FLNC: variants seen among roughly 807,000 people sequenced by gnomAD.
FLNC encodes filamin C, also known as filamin-C.
In FLNC, 91 loss-of-function variants were observed where a neutral mutation model predicts 254.3. That is an observed-to-expected ratio of 0.36 (90% CI 0.30 to 0.43). The LOEUF (loss-of-function observed/expected upper bound fraction) is 0.43, where lower values mean the gene tolerates loss of function less well. Ranked by LOEUF, FLNC falls within the 20% of genes least tolerant of loss-of-function variation. The pLI is 1.00. For missense variants in FLNC, 2,853 were observed against 3,802.6 expected (o/e 0.75, Z 6.57); for synonymous variants, 1,430 against 1,577.2 (o/e 0.91, Z 2.21).
In FLNC at chr7:128,840,059, G is replaced by A. The variant is rs1562993476; in HGVS notation, c.1448G>A (p.Gly483Asp). The A allele has an allele frequency of 6.2e-7, 1 of 1,614,070 alleles. No individual in the cohort carries two copies. Among genetic ancestry groups the A allele is most frequent in the Non-Finnish European group, 8.5e-7 (1 of 1,180,034 alleles). Residue 483 changes from glycine to aspartate, a missense_variant, in exon 9 of 48, where the codon GGC becomes GAC. This residue lies in a region of FLNC where 1,573 missense variants were observed against 1,883.5 expected (regional missense o/e 0.84). Coordinates refer to ENST00000325888, the MANE Select transcript of FLNC (RefSeq NM_001458.5). ...AACGCCTGCCGCGCCTCTGGGCGAG[G>A]CCTGCAGCCCAAGGGTGTTCGCGTG... The part of the protein sequence containing the change: ...NPNACRASGR[G>D]LQPKGVRVKE...
intron 8 of FLNC, 37 bp downstream of exon 8, chr7:128,838,840 C>T (rs1808214151): frequency 6.3e-7 from 1 of 1,590,876 alleles, no homozygotes; most frequent in Non-Finnish European, 8.6e-7. Context: ...GTAGCCCTTA[C>T]CAAAGCCAGA....
intron 43 of FLNC, 91 bp downstream of exon 43, chr7:128,855,405 C>T (rs1809014813): frequency 1.1e-6 from 1 of 873,370 alleles, no homozygotes; most frequent in South Asian, 1.4e-5. Flanking sequence ...AGGGATTTAG[C>T]AGTGACCTTG....
chr7:128,841,157 C>T lies in FLNC; in HGVS notation c.1814-13C>T, dbSNP rs766268709. ...TGATGCTGGATCCCCGACCCTCCCC[C>T]ACCTTGCCCCAGGCTTCTCCATCGA... On this transcript the variant is annotated splice_polypyrimidine_tract_variant and intron_variant, in intron 11 of 47. Coordinates refer to ENST00000325888, the MANE Select transcript of FLNC (RefSeq NM_001458.5). The surrounding 1 kb of genome is among the most constrained non-coding windows in gnomAD (Gnocchi z 4.3). 6 of 1,613,204 alleles carry T rather than the reference C, an allele frequency of 3.7e-6. No individual in the cohort carries two copies. The highest frequency in any genetic ancestry group is 5.1e-6 in the Non-Finnish European group (6 of 1,179,804).
intron 18 of FLNC, 86 bp from the exon 19 acceptor site, chr7:128,843,710 T>C: frequency 1.3e-6 from 2 of 1,498,840 alleles, no homozygotes; most frequent in Non-Finnish European, 1.9e-6. Flanking sequence ...TCATGGTGGA[T>C]CTGAGCTTCA....
chr7:128,845,517 C>G (rs1808524192), intron 21 of FLNC, among the ~76,000 whole-genome samples: 1 of 152,146 alleles, frequency 6.6e-6, no homozygotes, highest in Non-Finnish European at 1.5e-5. Flanking sequence ...TCTCTTCTTT[C>G]ATGTGCTTAA....
At position 128,854,579 on chromosome 7, in the gene FLNC, C is replaced by G. The variant is rs765567723; in HGVS notation, c.6894C>G (p.Pro2298=). The G allele has an allele frequency of 6.2e-7, 1 of 1,609,484 alleles. No homozygotes were observed. Among genetic ancestry groups the G allele is most frequent in the South Asian group, 1.1e-5 (1 of 90,390 alleles). Reference sequence around the variant, plus strand: ...TCAAGTACCGTGGCCAGCACGTGCCCGGCAGCCCCTTTCAGTTCACTGTGG... The same window carrying G: ...TCAAGTACCGTGGCCAGCACGTGCCGGGCAGCCCCTTTCAGTTCACTGTGG... ...VAVKYRGQHV[P]GSPFQFTVGP... Residue 2298 remains proline, a synonymous_variant, in exon 41 of 48, where the codon CCC becomes CCG. Transcript: ENST00000325888.
At position 128,854,868 on chromosome 7, in the gene FLNC, G is replaced by A. The variant is rs201672146; in HGVS notation, c.7091G>A (p.Arg2364His). 4,418 of 1,614,062 alleles carry A rather than the reference G, an allele frequency of 2.7e-3. 9 individuals are homozygous for A. The highest frequency in any genetic ancestry group is 3.4e-3 in the Non-Finnish European group (4,045 of 1,180,008). The change falls in exon 42 of 48, where the codon CGC becomes CAC. Residue 2364 changes from arginine to histidine, a missense_variant. Transcript: ENST00000325888. ...PSKAEIAFEDRKDGSCGVSYV... is the reference protein window; with the variant it reads ...PSKAEIAFEDHKDGSCGVSYV... Reference sequence around the variant, plus strand: ...AAAGCGGAGATTGCATTTGAGGATCGCAAAGATGGCTCCTGCGGCGTCTCC... The same window carrying A: ...AAAGCGGAGATTGCATTTGAGGATCACAAAGATGGCTCCTGCGGCGTCTCC...
chr7:128,851,058 C>G, intron 33 of FLNC, 115 bp downstream of exon 33: 1 of 1,519,068 alleles, frequency 6.6e-7, no homozygotes, highest in Non-Finnish European at 9.1e-7. Context: ...GTGCAGACAC[C>G]AGGCGAGGCC....
rs755651052 is a variant in FLNC at position 128,838,785 on chromosome 7, C to T, written c.1393C>T (p.Pro465Ser). The change falls in exon 8 of 48, where the codon CCT becomes TCT. Residue 465 changes from proline to serine, a missense_variant. Transcript: ENST00000325888. ...AGAPITRSPF[P>S]VHVSEACNPN... ...TGCCCCCATCACCCGCAGTCCCTTCCCTGTCCATGTGTCGGAAGGTAAGGG... is the reference window on the plus strand; with the variant it reads ...TGCCCCCATCACCCGCAGTCCCTTCTCTGTCCATGTGTCGGAAGGTAAGGG... 2 of 1,612,964 alleles carry T rather than the reference C, an allele frequency of 1.2e-6. No individual in the cohort carries two copies. Among genetic ancestry groups the T allele is most frequent in the Non-Finnish European group, 1.7e-6 (2 of 1,179,968 alleles).
chr7:128,842,961 A>G lies in FLNC; in HGVS notation c.2550+7A>G. Reference sequence around the variant, plus strand: ...GGTGCTGTTTGCCAACCAGGTACCTAAGCTCCTGGGTACTCACAGCGACAT... The same window carrying G: ...GGTGCTGTTTGCCAACCAGGTACCTGAGCTCCTGGGTACTCACAGCGACAT... On this transcript the variant is annotated splice_region_variant and intron_variant, in intron 16 of 47. Transcript: ENST00000325888. This position sits in a 1 kb window ranked among gnomAD's most constrained non-coding sequence, Gnocchi z 5.4. The G allele has an allele frequency of 6.2e-7, 1 of 1,613,702 alleles. No homozygotes were observed. Among genetic ancestry groups the G allele is most frequent in the Non-Finnish European group, 8.5e-7 (1 of 1,179,960 alleles).
chr7:128,851,020 C>T (rs1242670506), intron 33 of FLNC, 77 bp downstream of exon 33: 1 of 1,581,058 alleles, frequency 6.3e-7, no homozygotes, highest in Non-Finnish European at 8.7e-7. Context: ...TTCCCTCTTT[C>T]AACAAATATT....
At chr7:128,833,556 G>C (rs1245878459) in intron 1 of FLNC, among the ~76,000 whole-genome samples, 1 of 152,176 alleles carries the variant, frequency 6.6e-6, no homozygotes, top group African/African-American at 2.4e-5. Flanking sequence ...CCCAGGGCCA[G>C]TTGCTGGGGA....
At chr7:128,831,456 A>G (rs928178828) in intron 1 of FLNC, among the ~76,000 whole-genome samples, 2 of 152,064 alleles carry the variant, frequency 1.3e-5, no homozygotes, top group Non-Finnish European at 2.9e-5. Flanking sequence ...CAGGTCCCCA[A>G]CCACTGCCCG....
At chr7:128,843,702 A>T in intron 18 of FLNC, 94 bp from the exon 19 acceptor site, 1 of 1,485,024 alleles carries the variant, frequency 6.7e-7, no homozygotes, top group Non-Finnish European at 9.4e-7. Flanking sequence ...CCTCACTCTC[A>T]TGGTGGATCT....
chr7:128,855,387 A>T (rs998968681), intron 43 of FLNC, 73 bp downstream of exon 43: 2 of 978,280 alleles, frequency 2.0e-6, no homozygotes, highest in East Asian at 2.4e-5. Context: ...CAGCAGGTCC[A>T]TGGGGCCAGG....
chr7:128,852,235 C>T (rs1220699142), intron 35 of FLNC, among the ~76,000 whole-genome samples: 1 of 152,148 alleles, frequency 6.6e-6, no homozygotes, highest in African/African-American at 2.4e-5. Context: ...CCCAGAGAGG[C>T]CAAGCAACAT....
At position 128,839,916 on chromosome 7, in the gene FLNC, C is replaced by T; in HGVS notation, c.1412-107C>T. 9 of 1,423,368 alleles carry T rather than the reference C, an allele frequency of 6.3e-6. No homozygotes were observed. The South Asian group carries it at 7.1e-5, about 11-fold the overall frequency. 88.2% of individuals were successfully genotyped at this position (1,423,368 alleles called of 1,614,324 possible). On this transcript the variant is annotated intron_variant, in intron 8 of 47. Coordinates refer to ENST00000325888, the MANE Select transcript of FLNC (RefSeq NM_001458.5). ...AAGGGCTCCAGAGCAGGGCCGTGGGCCACTGCCTGTGCCTGGGAGGGGTTA... is the reference window on the plus strand; with the variant it reads ...AAGGGCTCCAGAGCAGGGCCGTGGGTCACTGCCTGTGCCTGGGAGGGGTTA...
chr7:128,846,065 C>T lies in FLNC; in HGVS notation c.3866C>T (p.Thr1289Met), dbSNP rs755896234. The change falls in exon 22 of 48, where the codon ACG (threonine) becomes ATG (methionine). Residue 1289 changes from threonine (T) to methionine (M), a missense_variant. Physicochemically the swap from Thr to Met is moderately conservative, Grantham distance 81 (BLOSUM62 -1). This residue lies in a region of FLNC where 1,573 missense variants were observed against 1,883.5 expected (regional missense o/e 0.84). Transcript: ENST00000325888. ...SLTATGGNHV[T>M]ARVLNPSGAK... is the part of the protein sequence containing the mutation. ...ACAGCCACAGGCGGCAACCACGTGA[C>T]GGCTCGTGTGCTCAACCCCTCGGGG... 100 of 1,613,822 alleles carry T rather than the reference C, an allele frequency of 6.2e-5. No homozygotes were observed. The highest frequency in any genetic ancestry group is 7.8e-5 in the Non-Finnish European group (92 of 1,180,004).
Position 128,857,387 on chromosome 7 carries a change from T to C in FLNC, c.7780+51T>C, listed in dbSNP as rs1809113455. The C allele has an allele frequency of 2.2e-6, 3 of 1,369,342 alleles. No homozygotes were observed. The highest frequency in any genetic ancestry group is 3.1e-6 in the Non-Finnish European group (3 of 966,086). The allele number at this position is 1,369,342 out of a possible 1,614,324, so 84.8% of individuals were successfully genotyped here. On this transcript the variant is annotated intron_variant, in intron 46 of 47. Coordinates refer to ENST00000325888, the MANE Select transcript of FLNC (RefSeq NM_001458.5). This position sits in a 1 kb window ranked among gnomAD's most constrained non-coding sequence, Gnocchi z 4.5. ...ACCCAGCCTGCAGCCCAGCCCAGCC[T>C]GGAGGGCTCCGGTGGCCACGCACAT...
Sources: allele counts gnomAD v4.1 joint callset (sites outside exome capture counted in the v4.1 genomes callset), GRCh38; gene constraint gnomAD v4.1.1; regional missense constraint gnomAD v4.1.1; non-coding constraint Gnocchi (gnomAD v3.1); transcripts MANE v1.5; gene names NCBI Gene and HGNC (gene_info 2026-07-23, HGNC 2026-07-21).